Variants in FBXL17 observed in about 807,000 individuals in gnomAD.
The protein encoded by FBXL17 is F-box and leucine rich repeat protein 17.
FBXL17 carries 22 observed loss-of-function variants against 66.2 expected under a neutral mutation model. That is an observed-to-expected ratio of 0.33 (90% CI 0.24 to 0.47). FBXL17 has a LOEUF of 0.47. Among genes scored for constraint, FBXL17 ranks in the 20% least tolerant of loss-of-function variants. FBXL17 has a pLI of 1.00. For missense variants in FBXL17, 878 were observed against 948.2 expected (o/e 0.93, Z 0.97); for synonymous variants, 474 against 400.5 (o/e 1.18, Z -2.19).
chr5:108,116,752 A>C (rs573582628), intron 6 of FBXL17, among the ~76,000 whole-genome samples: 3 of 151,430 alleles, frequency 2.0e-5, no homozygotes, highest in Non-Finnish European at 4.4e-5. Context: ...ATGTGCACAT[A>C]ATTTCTTATC....
chr5:108,355,758 T>A (rs1233852176), intron 3 of FBXL17, among the ~76,000 whole-genome samples: 1 of 152,048 alleles, frequency 6.6e-6, no homozygotes, highest in East Asian at 1.9e-4. Flanking sequence ...GAGAGAAAAC[T>A]GAATCATTAA....
At chr5:107,898,644 C>T (rs965470174) in intron 7 of FBXL17, among the ~76,000 whole-genome samples, 3 of 152,094 alleles carry the variant, frequency 2.0e-5, no homozygotes, top group Non-Finnish European at 2.9e-5. Flanking sequence ...CAACAGGCCC[C>T]GGTGTGTGAT....
chr5:108,222,766 C>T (rs1187631057), intron 5 of FBXL17, among the ~76,000 whole-genome samples: 1 of 148,510 alleles, frequency 6.7e-6, no homozygotes. Flanking sequence ...CTCCGCCTCT[C>T]GGGTTTAAGC....
At chr5:108,177,932 TAC>T (rs1554072223) in intron 6 of FBXL17, among the ~76,000 whole-genome samples, 1 of 126,812 alleles carries the variant, frequency 7.9e-6, no homozygotes, top group Non-Finnish European at 1.7e-5. Context: ...TATATATATA[TAC>T]ACACACACAC....
intron 6 of FBXL17, among the ~76,000 whole-genome samples, chr5:108,123,903 G>A (rs930419801): frequency 2.0e-5 from 3 of 152,040 alleles, no homozygotes; most frequent in African/African-American, 7.2e-5. Flanking sequence ...TAATTCCCAC[G>A]GAACCTACGG....
intron 6 of FBXL17, among the ~76,000 whole-genome samples, chr5:108,122,240 T>C (rs1750531984): frequency 6.6e-6 from 1 of 152,130 alleles, no homozygotes; most frequent in Admixed American, 6.5e-5. Context: ...GTAGATGGGA[T>C]AGTCTCCATT....
chr5:108,069,851 A>AT (rs924614930), intron 6 of FBXL17, among the ~76,000 whole-genome samples: 18 of 152,028 alleles, frequency 1.2e-4, no homozygotes, highest in Middle Eastern at 3.4e-3. Context: ...CTGATAACGG[A>AT]TTTTTTTTCA....
At chr5:108,327,518 T>C (rs1759914312) in intron 4 of FBXL17, among the ~76,000 whole-genome samples, 1 of 152,006 alleles carries the variant, frequency 6.6e-6, no homozygotes, top group African/African-American at 2.4e-5. Flanking sequence ...GCAAAGAAAA[T>C]GATAGACACC....
At chr5:108,321,228 T>G (rs1432837952) in intron 4 of FBXL17, among the ~76,000 whole-genome samples, 1 of 151,872 alleles carries the variant, frequency 6.6e-6, no homozygotes, top group Non-Finnish European at 1.5e-5. Flanking sequence ...TTAACATCCT[T>G]AATTACTGAG....
At chr5:107,874,402 G>T (rs950245496) in intron 8 of FBXL17, among the ~76,000 whole-genome samples, 1 of 152,160 alleles carries the variant, frequency 6.6e-6, no homozygotes, top group African/African-American at 2.4e-5. Context: ...AGTGCTTATA[G>T]TGTGCCTGAC....
chr5:107,881,020 T>C lies in FBXL17; in HGVS notation c.1965+17A>G, dbSNP rs1748773819. On this transcript the variant is annotated intron_variant, in intron 8 of 8. Transcript: ENST00000542267. The stretch of plus-strand genomic sequence containing the variant: ...ACTGATATGTAGAAAGCAAACAACT[T>C]GATAGTCAACTCTTACTTTATCACA... 1 of 1,613,956 alleles carries C rather than the reference T, an allele frequency of 6.2e-7. No individual in the cohort carries two copies. Among genetic ancestry groups the C allele is most frequent in the Non-Finnish European group, 8.5e-7 (1 of 1,179,982 alleles).
At chr5:108,274,655 A>C (rs144944013) in intron 4 of FBXL17, among the ~76,000 whole-genome samples, 2 of 152,206 alleles carry the variant, frequency 1.3e-5, no homozygotes, top group African/African-American at 4.8e-5. Context: ...TGGGGAAGTG[A>C]TAAGTGTCCA....
At chr5:108,003,436 A>T (rs1288782832) in intron 7 of FBXL17, among the ~76,000 whole-genome samples, 2 of 152,180 alleles carry the variant, frequency 1.3e-5, no homozygotes, top group African/African-American at 4.8e-5. Flanking sequence ...GATCAAGTAG[A>T]AGTTCACAAT....
chr5:108,350,410 G>A (rs1244500000), intron 3 of FBXL17, among the ~76,000 whole-genome samples: 3 of 152,252 alleles, frequency 2.0e-5, no homozygotes, highest in African/African-American at 2.4e-5. Flanking sequence ...ATTTGTGAAC[G>A]TTTATACAGT....
At chr5:108,231,634 CAAT>C (rs994801229) in intron 4 of FBXL17, among the ~76,000 whole-genome samples, 2 of 152,082 alleles carry the variant, frequency 1.3e-5, no homozygotes, top group African/African-American at 2.4e-5. Context: ...AGAGACACAA[CAAT>C]GATTCCATTA....
At chr5:107,969,510 C>T (rs1227374210) in intron 7 of FBXL17, among the ~76,000 whole-genome samples, 1 of 152,054 alleles carries the variant, frequency 6.6e-6, no homozygotes, top group Non-Finnish European at 1.5e-5. Context: ...AAGTTGAAAT[C>T]CCAAAATTAT....
chr5:107,941,433 A>G (rs1184180774), intron 7 of FBXL17, among the ~76,000 whole-genome samples: 2 of 151,934 alleles, frequency 1.3e-5, no homozygotes, highest in Non-Finnish European at 2.9e-5. Context: ...TAATGGAAGT[A>G]TCTGCAACAG....
At chr5:108,356,474 G>A (rs550769491) in intron 3 of FBXL17, among the ~76,000 whole-genome samples, 1 of 152,180 alleles carries the variant, frequency 6.6e-6, no homozygotes, top group East Asian at 1.9e-4. Context: ...GTACATAACA[G>A]GCAATAGGAT....
chr5:108,078,496 G>A (rs1013927083), intron 6 of FBXL17, among the ~76,000 whole-genome samples: 1 of 152,212 alleles, frequency 6.6e-6, no homozygotes, highest in African/African-American at 2.4e-5. Context: ...CTGCAAAGCT[G>A]TCTTTTGTGA....
Sources: allele counts gnomAD v4.1 joint callset (sites outside exome capture counted in the v4.1 genomes callset), GRCh38; gene constraint gnomAD v4.1.1; transcripts MANE v1.5; gene names NCBI Gene and HGNC (gene_info 2026-07-23, HGNC 2026-07-21).